The following CHAF1A variants were observed in gnomAD, a reference collection of about 807,000 sequenced individuals.
The protein encoded by CHAF1A is chromatin assembly factor 1 subunit A, also known as CAF-1 subunit A.
In CHAF1A, 5 loss-of-function variants were observed where a neutral mutation model predicts 93.2. That is an observed-to-expected ratio of 0.05 (90% confidence interval 0.03 to 0.11). The LOEUF is 0.11. Among genes scored for constraint, CHAF1A ranks in the 10% least tolerant of loss-of-function variants. The pLI is 1.00. For missense variants in CHAF1A, 1,102 were observed against 1,259.9 expected, an observed-to-expected ratio of 0.87 and a Z score of 1.90; for synonymous variants, 504 against 510.3, an observed-to-expected ratio of 0.99 and a Z score of 0.17.
At chr19:4,412,649 G>A (rs2145080459) in intron 3 of CHAF1A, among the ~76,000 whole-genome samples, 1 of 152,316 alleles carries the variant, frequency 6.6e-6, no homozygotes, top group East Asian at 1.9e-4. Flanking sequence ...TGGGCATCAT[G>A]GTGGCACAAT....
At chr19:4,413,790 A>G (rs1184823234) in intron 3 of CHAF1A, among the ~76,000 whole-genome samples, 1 of 152,204 alleles carries the variant, frequency 6.6e-6, no homozygotes, top group African/African-American at 2.4e-5. Context: ...TTAGTACTGC[A>G]GGATCTGGAG....
chr19:4,440,225 G>GA (rs1437296875), intron 13 of CHAF1A, among the ~76,000 whole-genome samples: 1 of 152,184 alleles, frequency 6.6e-6, no homozygotes, highest in East Asian at 1.9e-4. Flanking sequence ...TTCATGCACA[G>GA]AGAGGGTAAG....
intron 3 of CHAF1A, among the ~76,000 whole-genome samples, chr19:4,410,566 A>C (rs1009563738): frequency 6.6e-6 from 1 of 151,966 alleles, no homozygotes; most frequent in African/African-American, 2.4e-5. Context: ...TTTTTAGTAG[A>C]GACAGGGTTT....
At chr19:4,448,238 A>G (rs1974579722), downstream of CHAF1A, 1 of 1,303,902 alleles carries the variant, frequency 7.7e-7, no homozygotes, top group South Asian at 1.3e-5. Flanking sequence ...TGAGGGGGCC[A>G]GAGGGGGTGA....
intron 13 of CHAF1A, among the ~76,000 whole-genome samples, chr19:4,438,351 GTTTTTTTGTTTTGTT>G (rs2145147401): frequency 7.9e-6 from 1 of 127,050 alleles, no homozygotes; most frequent in East Asian, 2.2e-4. Context: ...GCAAGAAGAG[GTTTTTTTGTTTTGTT>G]TTGTTTTGTT....
At chr19:4,448,849 C>G (rs1161688787), downstream of CHAF1A, 1 of 188,818 alleles carries the variant, frequency 5.3e-6, no homozygotes, top group Non-Finnish European at 1.1e-5. Flanking sequence ...CACTCCCGGG[C>G]CTCATGTTTA....
chr19:4,428,923 T>G, intron 8 of CHAF1A, 33 bp downstream of exon 8: 4 of 1,559,650 alleles, frequency 2.6e-6, no homozygotes, highest in Non-Finnish European at 3.5e-6. Flanking sequence ...CTTCACCCAC[T>G]AGTGATGCTG....
Position 4,402,695 on chromosome 19 carries a change from A to T in CHAF1A, c.-68A>T, listed in dbSNP as rs1973603697. On this transcript the variant is annotated 5_prime_UTR_variant, in exon 1 of 15. Transcript: ENST00000301280. Reference sequence around the variant, plus strand: ...CAGCGGCGCGGGCGGGAGGGCGAAGAGCAGCGGCCGCCTGAGGGGAGCCCG... The same window carrying T: ...CAGCGGCGCGGGCGGGAGGGCGAAGTGCAGCGGCCGCCTGAGGGGAGCCCG... 9.7e-7 allele frequency: 1 copy of T among 1,035,126 alleles called. No homozygotes were observed. Among genetic ancestry groups the T allele is most frequent in the Non-Finnish European group, 1.2e-6 (1 of 819,638 alleles). The allele number at this position is 1,035,126 out of a possible 1,614,324, so 64.1% of individuals were successfully genotyped here.
Position 4,422,540 on chromosome 19 carries a change from C to G in CHAF1A, c.1018-26C>G, listed in dbSNP as rs779077442. On this transcript the variant is annotated intron_variant, in intron 4 of 14. Transcript: ENST00000301280. The surrounding 1 kb of genome is among the most constrained non-coding windows in gnomAD (Gnocchi z 4.6). Reference sequence around the variant, plus strand: ...TCCTGGGAGTTGGAGGGAGGGCCACCTGTCACTTGCCACACTGTCTTGTAG... The same window carrying G: ...TCCTGGGAGTTGGAGGGAGGGCCACGTGTCACTTGCCACACTGTCTTGTAG... The G allele has an allele frequency of 2.5e-5, 39 of 1,551,290 alleles. 1 individual carries two copies. The highest frequency in any genetic ancestry group is 3.7e-4 in the Middle Eastern group (2 of 5,346).
At chr19:4,445,537 C>T, downstream of CHAF1A, 1 of 1,613,926 alleles carries the variant, frequency 6.2e-7, no homozygotes, top group Non-Finnish European at 8.5e-7. Context: ...GCTCGGGTTT[C>T]AGGATGGAGT....
At chr19:4,439,812 G>T (rs1974353477) in intron 13 of CHAF1A, among the ~76,000 whole-genome samples, 2 of 152,352 alleles carry the variant, frequency 1.3e-5, no homozygotes, top group South Asian at 4.1e-4. Context: ...GGAGGCTGAG[G>T]CAGGAGGATC....
At chr19:4,423,262 A>C in intron 5 of CHAF1A, 73 bp from the exon 6 acceptor site, 2 of 1,594,252 alleles carry the variant, frequency 1.3e-6, no homozygotes, top group South Asian at 2.3e-5. Context: ...GCCATATACT[A>C]ACAGTTGAGT....
chr19:4,448,712 A>G (rs1157085091), downstream of CHAF1A: 2 of 421,046 alleles, frequency 4.8e-6, no homozygotes, highest in Non-Finnish European at 8.8e-6. Flanking sequence ...TGTGCCTCAC[A>G]CTCTGGCTTT....
In CHAF1A at chr19:4,423,787, C is replaced by A. The variant is rs1214875990; in HGVS notation, c.1309-19C>A. 4.3e-6 allele frequency: 7 copies of A among 1,612,640 alleles called. No individual in the cohort carries two copies. Among genetic ancestry groups the A allele is most frequent in the Non-Finnish European group, 5.9e-6 (7 of 1,178,740 alleles). On this transcript the variant is annotated intron_variant, in intron 6 of 14. Coordinates refer to ENST00000301280, the MANE Select transcript of CHAF1A (RefSeq NM_005483.3). Reference sequence around the variant, plus strand: ...CCTCTTCCTCTCCTCTTTCTCATCACCATCTCTTAACATCACAGCGCATTA... The same window carrying A: ...CCTCTTCCTCTCCTCTTTCTCATCAACATCTCTTAACATCACAGCGCATTA...
chr19:4,442,461 C>G lies in CHAF1A; in HGVS notation c.2770+120C>G. 9.4e-6 allele frequency: 8 copies of G among 851,716 alleles called. No homozygotes were observed. The South Asian group carries it at 1.3e-4, about 14-fold the overall frequency. The allele number at this position is 851,716 out of a possible 1,614,324, so 52.8% of individuals were successfully genotyped here. ...CACTGTGAGCAGCCAGGAGGGCTTG[C>G]AGCTGGAAGTGGCTCCTGCCCTGCC... On this transcript the variant is annotated intron_variant, in intron 14 of 14. Coordinates refer to ENST00000301280, the MANE Select transcript of CHAF1A (RefSeq NM_005483.3).
At chr19:4,424,021 T>A (rs147121090) in intron 7 of CHAF1A, 147 bp downstream of exon 7, 6 of 688,008 alleles carry the variant, frequency 8.7e-6, no homozygotes, top group Middle Eastern at 3.9e-4. Context: ...TCTGGTTAAG[T>A]CTTGAGGCTC....
chr19:4,410,040 A>G (rs562208380), intron 3 of CHAF1A, among the ~76,000 whole-genome samples: 1 of 152,336 alleles, frequency 6.6e-6, no homozygotes, highest in East Asian at 1.9e-4. Context: ...AATCAGTGAT[A>G]GCTTAGCCGT....
Position 4,409,348 on chromosome 19 carries a change from AGAG to A in CHAF1A, c.557_559del (p.Glu186del). 1 of 1,614,102 alleles carries A rather than the reference AGAG, an allele frequency of 6.2e-7. No individual in the cohort carries two copies. Among genetic ancestry groups the A allele is most frequent in the South Asian group, 1.1e-5 (1 of 91,086 alleles). ...CCCTTTCAGACATTCCTTGCAAAAC[AGAG>A]GAGGAGGGTGTTGGCTGTGGAGGTG... On this transcript the variant is annotated inframe_deletion, in exon 3 of 15. Coordinates refer to ENST00000301280, the MANE Select transcript of CHAF1A (RefSeq NM_005483.3).
At chr19:4,444,899 C>CA (rs918635851), downstream of CHAF1A, 1 of 153,408 alleles carries the variant, frequency 6.5e-6, no homozygotes, top group Non-Finnish European at 1.4e-5. Context: ...AACAGGTATC[C>CA]ACATGGTCCC....
Sources: gnomAD v4.1 joint callset for allele counts (sites outside exome capture counted in the v4.1 genomes callset) on GRCh38, gnomAD v4.1.1 for gene constraint, Gnocchi (gnomAD v3.1) non-coding constraint, MANE v1.5 for transcripts, NCBI Gene and HGNC (gene_info 2026-07-23, HGNC 2026-07-21) for gene names.